KCNMA1: variants seen among roughly 807,000 people sequenced by gnomAD.
The protein encoded by KCNMA1 is potassium calcium-activated channel subfamily M alpha 1, also known as Calcium-activated potassium channel subunit alpha-1.
Under a neutral mutation model 140.0 loss-of-function variants are expected in KCNMA1, and 29 were observed. That is an observed-to-expected ratio of 0.21 (90% CI 0.15 to 0.28). KCNMA1 has a LOEUF of 0.28. Ranked by LOEUF, KCNMA1 falls within the 10% of genes least tolerant of loss-of-function variation. KCNMA1 has a pLI of 1.00. For missense variants in KCNMA1, 880 were observed against 1,602.2 expected (o/e 0.55, Z 7.70); for synonymous variants, 612 against 611.9 (o/e 1.00, Z 0.00).
intron 18 of KCNMA1, among the ~76,000 whole-genome samples, chr10:77,005,610 T>C (rs1247515606): frequency 6.6e-6 from 1 of 152,210 alleles, no homozygotes; most frequent in African/African-American, 2.4e-5. Context: ...GTTCTTGTTA[T>C]TGGACCAGGG....
At chr10:77,391,540 G>A (rs1304981350) in intron 2 of KCNMA1, among the ~76,000 whole-genome samples, 2 of 152,184 alleles carry the variant, frequency 1.3e-5, no homozygotes, top group Non-Finnish European at 2.9e-5. Flanking sequence ...AAACAGGAGA[G>A]AATAGTTTTT....
chr10:77,318,657 TACTCACG>T (rs2081511344), intron 2 of KCNMA1, among the ~76,000 whole-genome samples: 1 of 152,202 alleles, frequency 6.6e-6, no homozygotes, highest in Non-Finnish European at 1.5e-5. Context: ...GGTCAGTCCC[TACTCACG>T]TCCTAGAAGA....
At chr10:77,204,632 A>T (rs2043489254) in intron 3 of KCNMA1, among the ~76,000 whole-genome samples, 1 of 152,212 alleles carries the variant, frequency 6.6e-6, no homozygotes, top group African/African-American at 2.4e-5. Context: ...AAGCACATTC[A>T]GCATTAAGCA....
Position 77,254,281 on chromosome 10 carries a change from G to A in KCNMA1, c.541-3025C>T, listed in dbSNP as rs368850381. On this transcript the variant is annotated intron_variant, in intron 2 of 27. Coordinates refer to ENST00000286628, the MANE Select transcript of KCNMA1 (RefSeq NM_001161352.2). The stretch of plus-strand genomic sequence containing the variant: ...CTGTCGCCCAGGCTGGAGTGCAGTG[G>A]CGCGATCTCAGTTCACTGCAACCTC... 1.6e-3 allele frequency among the ~76,000 whole-genome samples: 245 copies of A among 150,884 alleles called. 3 individuals carry two copies. Among genetic ancestry groups the A allele is most frequent in the African/African-American group, 5.8e-3 (239 of 41,026 alleles).
At chr10:77,371,707 T>C (rs982340879) in intron 2 of KCNMA1, among the ~76,000 whole-genome samples, 1 of 152,156 alleles carries the variant, frequency 6.6e-6, no homozygotes, top group South Asian at 2.1e-4. Flanking sequence ...ACCCCTGTTA[T>C]GATATGCACT....
chr10:77,482,820 C>G (rs1603628259), intron 1 of KCNMA1, among the ~76,000 whole-genome samples: 1 of 152,008 alleles, frequency 6.6e-6, no homozygotes, highest in East Asian at 1.9e-4. Context: ...TCAGCTACCC[C>G]AAAATGCCCA....
intron 20 of KCNMA1, among the ~76,000 whole-genome samples, chr10:76,955,202 T>G (rs1161956929): frequency 6.6e-6 from 1 of 150,780 alleles, no homozygotes; most frequent in African/African-American, 2.4e-5. Context: ...TTTTTCTTTT[T>G]TTTTTTTTTT....
At chr10:76,974,277 T>C (rs1310820514) in intron 19 of KCNMA1, 4 of 512,592 alleles carry the variant, frequency 7.8e-6, no homozygotes, top group Non-Finnish European at 1.4e-5. Context: ...TTGCACAAGC[T>C]GCCAGTTTGG....
In KCNMA1 at chr10:76,913,540, C is replaced by T. The variant is rs573186093; in HGVS notation, c.3016+1396G>A. On this transcript the variant is annotated intron_variant, in intron 24 of 27. Coordinates refer to ENST00000286628, the MANE Select transcript of KCNMA1 (RefSeq NM_001161352.2). ...TCAGAACCAGAGCTTCTGAGAAATG[C>T]CCTAGTAGGGGGGAAAAAAAAAAAA... 8.8e-3 allele frequency: 1,309 copies of T among 149,552 alleles called. 9 individuals are homozygous for T. Among genetic ancestry groups the T allele is most frequent in the Non-Finnish European group, 0.011 (735 of 68,402 alleles). 9.3% of individuals were successfully genotyped at this position (149,552 alleles called of 1,614,324 possible). A position where few individuals can be genotyped will look rare whatever the true frequency, so the allele number is the denominator to read the frequency against.
chr10:77,403,763 C>T (rs1465756938), intron 2 of KCNMA1, 99 bp downstream of exon 2: 2 of 1,255,270 alleles, frequency 1.6e-6, no homozygotes, highest in Non-Finnish European at 2.2e-6. Context: ...AATAGCCAGC[C>T]TCCTGCAGAA....
At chr10:77,126,717 A>ACCCCCCCCCCCCCCCCC (rs1249928637) in intron 5 of KCNMA1, among the ~76,000 whole-genome samples, 1 of 68,418 alleles carries the variant, frequency 1.5e-5, no homozygotes. Flanking sequence ...GGTGCCCCCC[A>ACCCCCCCCCCCCCCCCC]CCCCCCCACC....
chr10:77,458,468 C>T (rs1202329179), intron 1 of KCNMA1, among the ~76,000 whole-genome samples: 3 of 152,218 alleles, frequency 2.0e-5, no homozygotes, highest in African/African-American at 7.2e-5. Context: ...AACTTACACA[C>T]ATGAACAAAC....
intron 17 of KCNMA1, among the ~76,000 whole-genome samples, chr10:77,017,822 G>A (rs935691092): frequency 7.9e-5 from 12 of 152,088 alleles, no homozygotes; most frequent in African/African-American, 2.9e-4. Context: ...TTGTGCCTCA[G>A]TTTCCTCATA....
chr10:76,872,500 G>A (rs890927971), downstream of KCNMA1: 2 of 152,174 alleles, frequency 1.3e-5, no homozygotes, highest in African/African-American at 4.8e-5. Context: ...TCTAAATCAA[G>A]TTTCAAACTT....
chr10:77,236,677 C>G (rs79028913), intron 3 of KCNMA1, among the ~76,000 whole-genome samples: 1 of 152,136 alleles, frequency 6.6e-6, no homozygotes, highest in Non-Finnish European at 1.5e-5. Context: ...AGTATACATA[C>G]GTTTATACAG....
intron 1 of KCNMA1, among the ~76,000 whole-genome samples, chr10:77,474,320 T>C (rs1254467293): frequency 6.6e-6 from 1 of 152,216 alleles, no homozygotes; most frequent in Admixed American, 6.5e-5. Context: ...CAGGTGATTA[T>C]GGTTAAATGA....
intron 14 of KCNMA1, among the ~76,000 whole-genome samples, chr10:77,063,460 T>G (rs7923848): frequency 0.024 from 3,607 of 152,098 alleles, 158 homozygotes; most frequent in African/African-American, 0.082. Context: ...AAAAAAGGTA[T>G]ATCACGTAAA....
intron 2 of KCNMA1, among the ~76,000 whole-genome samples, chr10:77,310,334 G>C (rs2154342997): frequency 6.6e-6 from 1 of 152,224 alleles, no homozygotes; most frequent in East Asian, 1.9e-4. Flanking sequence ...AACAACCAAA[G>C]GGTTAATTTC....
intron 23 of KCNMA1, among the ~76,000 whole-genome samples, chr10:76,933,483 T>C (rs1387650934): frequency 3.3e-5 from 5 of 152,240 alleles, no homozygotes; most frequent in Admixed American, 1.3e-4. Context: ...ACCTTGGTTA[T>C]ACCATTAGTA....
Sources: gnomAD v4.1 joint callset for allele counts (sites outside exome capture counted in the v4.1 genomes callset) on GRCh38, gnomAD v4.1.1 for gene constraint, MANE v1.5 for transcripts, NCBI Gene and HGNC (gene_info 2026-07-23, HGNC 2026-07-21) for gene names.